Variants in TTC34 observed in about 807,000 individuals in gnomAD.
TTC34 encodes tetratricopeptide repeat protein 34.
In TTC34, 44 loss-of-function variants were observed where a neutral mutation model predicts 40.7. The ratio of observed to expected loss-of-function variants is 1.08; its 90% CI spans 0.85 to 1.39. The LOEUF is 1.39. TTC34 is among the 40% of genes most tolerant of loss of function. The pLI, the probability that TTC34 is intolerant of heterozygous loss-of-function variation, is 0.00. For synonymous variants in TTC34, 422 were observed against 398.6 expected (o/e 1.06, Z -0.70); for missense variants, 884 against 838.0 (o/e 1.05, Z -0.68).
exon 9 of TTC34, chr1:2,639,074 C>T (rs972157646): frequency 6.6e-6 from 1 of 152,236 alleles, no homozygotes; most frequent in Non-Finnish European, 1.5e-5. Context: ...TATAAGGACA[C>T]TAATCCCACT....
chr1:2,687,591 G>T (rs1318942301), intron 6 of TTC34, among the ~76,000 whole-genome samples: 1 of 150,122 alleles, frequency 6.7e-6, no homozygotes, highest in African/African-American at 2.5e-5. Flanking sequence ...CTGACAGCCT[G>T]GAACAGCACC....
chr1:2,790,097 TC>T lies in TTC34; in HGVS notation c.1033del (p.Asp345MetfsTer10). The T allele has an allele frequency of 2.5e-6, 1 of 398,078 alleles. No individual in the cohort carries two copies. 24.7% of individuals were successfully genotyped at this position (398,078 alleles called of 1,614,324 possible). A position where few individuals can be genotyped will look rare whatever the true frequency, so the allele number is the denominator to read the frequency against. On this transcript the variant is annotated frameshift_variant, in exon 3 of 9. Transcript: ENST00000401095. LOFTEE classifies it high-confidence loss of function. ...CGGGGCCAGCAGCTCGCGGCCCGCA[TC>T]CTCGCGGAGCTCAGGGTGGTTCCGC...
chr1:2,686,929 G>A (rs1436448381), intron 6 of TTC34, among the ~76,000 whole-genome samples: 2 of 150,230 alleles, frequency 1.3e-5, no homozygotes, highest in Non-Finnish European at 2.9e-5. Flanking sequence ...CACACTCCCA[G>A]ACGAGCATCG....
intron 6 of TTC34, among the ~76,000 whole-genome samples, chr1:2,782,848 C>T (rs1462100633): frequency 6.6e-6 from 1 of 152,178 alleles, no homozygotes; most frequent in East Asian, 1.9e-4. Flanking sequence ...CTCTTCTGGG[C>T]TCCAGGGACA....
chr1:2,688,312 T>A (rs1640465270), intron 6 of TTC34, among the ~76,000 whole-genome samples: 1 of 91,662 alleles, frequency 1.1e-5, no homozygotes, highest in East Asian at 3.8e-4. Flanking sequence ...TCTGACAGCC[T>A]GGAGCAGAAC....
chr1:2,751,112 G>A lies in TTC34; in HGVS notation c.2226+32497C>T, dbSNP rs1290358716. ...GCCCAGCTGAGCCTCTGACAGCCTG[G>A]AACAGCACCCTGTACCCCCAGGGGA... On this transcript the variant is annotated intron_variant, in intron 6 of 8. Transcript: ENST00000401095. Among the ~76,000 whole-genome samples the A allele has an allele frequency of 2.0e-5, 2 of 102,288 alleles. 1 individual carries two copies. 67.1% of individuals were successfully genotyped at this position (102,288 alleles called of 152,430 possible). A position where few individuals can be genotyped will look rare whatever the true frequency, so the allele number is the denominator to read the frequency against.
At position 2,783,778 on chromosome 1, in the gene TTC34, G is replaced by C. The variant is rs1212248156; in HGVS notation, c.2060-3C>G. ...GAGGGACTCACTTGCCTGGCTTCCT[G>C]CAGGAAGACGGCATGGGGTCAGGAT... On this transcript the variant is annotated splice_region_variant and splice_polypyrimidine_tract_variant and intron_variant, in intron 5 of 8. Transcript: ENST00000401095. 1 of 1,492,476 alleles carries C rather than the reference G, an allele frequency of 6.7e-7. No homozygotes were observed. The highest frequency in any genetic ancestry group is 2.5e-5 in the East Asian group (1 of 39,856). 92.5% of individuals were successfully genotyped at this position (1,492,476 alleles called of 1,614,324 possible).
intron 6 of TTC34, among the ~76,000 whole-genome samples, chr1:2,687,107 T>C (rs1329580116): frequency 7.3e-6 from 1 of 137,318 alleles, no homozygotes; most frequent in Non-Finnish European, 1.5e-5. Flanking sequence ...TCCGACATCG[T>C]GGAGTAGCAC....
intron 6 of TTC34, among the ~76,000 whole-genome samples, chr1:2,698,990 A>G (rs1358514493): frequency 5.8e-5 from 8 of 138,502 alleles, no homozygotes; most frequent in Non-Finnish European, 1.1e-4. Flanking sequence ...AGCATCTGAC[A>G]GCCTGGAAAG....
At chr1:2,653,172 G>T (rs71513385) in intron 6 of TTC34, among the ~76,000 whole-genome samples, 2 of 151,682 alleles carry the variant, frequency 1.3e-5, no homozygotes, top group African/African-American at 4.9e-5. Flanking sequence ...CACACCCACA[G>T]GTGAGCATCT....
At position 2,785,900 on chromosome 1, in the gene TTC34, G is replaced by A. The variant is rs1425665772; in HGVS notation, c.1978C>T (p.Arg660Trp). The A allele has an allele frequency of 5.8e-5, 89 of 1,536,848 alleles. No homozygotes were observed. The highest frequency in any genetic ancestry group is 5.8e-4 in the Admixed American group (29 of 50,116). Residue 660 changes from arginine to tryptophan, a missense_variant, in exon 5 of 9, where the codon CGG (arginine) becomes TGG (tryptophan). Transcript: ENST00000401095. Reference sequence around the variant, plus strand: ...CCGTCGGCCCCGCCTGGCCGTGCCCGCAGGATGGCCAGGGCCCTGGCGTGG... The same window carrying A: ...CCGTCGGCCCCGCCTGGCCGTGCCCACAGGATGGCCAGGGCCCTGGCGTGG...
intron 6 of TTC34, among the ~76,000 whole-genome samples, chr1:2,694,742 C>A (rs370651058): frequency 1.3e-5 from 1 of 76,008 alleles, no homozygotes; most frequent in African/African-American, 4.2e-5. Context: ...CGTGGAGCAG[C>A]ACCCCAAACC....
rs541433955 is a variant in TTC34 at position 2,771,728 on chromosome 1, A to G, written c.2226+11881T>C. 3.9e-5 allele frequency among the ~76,000 whole-genome samples: 5 copies of G among 128,412 alleles called. No homozygotes were observed. The East Asian group carries it at 6.7e-4, about 17-fold the overall frequency. 84.2% of individuals were successfully genotyped at this position (128,412 alleles called of 152,430 possible). A position where few individuals can be genotyped will look rare whatever the true frequency, so the allele number is the denominator to read the frequency against. ...AGCCTGGGGCAGTGCCCACAGCCCC[A>G]GGTGAGCATCTGACAGCCCGGAGCA... On this transcript the variant is annotated intron_variant, in intron 6 of 8. Transcript: ENST00000401095.
intron 6 of TTC34, among the ~76,000 whole-genome samples, chr1:2,655,373 C>A (rs796304179): frequency 2.3e-4 from 20 of 86,176 alleles, no homozygotes; most frequent in Middle Eastern, 0.015. Flanking sequence ...AGCAACCACA[C>A]CCCCAGGTGA....
At chr1:2,676,915 G>A (rs1016013269) in intron 6 of TTC34, among the ~76,000 whole-genome samples, 11 of 99,914 alleles carry the variant, frequency 1.1e-4, no homozygotes, top group Non-Finnish European at 1.4e-4. Flanking sequence ...ACAGCCTGGA[G>A]CAGCACCCAC....
At chr1:2,686,286 G>C (rs1287954066) in intron 6 of TTC34, among the ~76,000 whole-genome samples, 1 of 151,804 alleles carries the variant, frequency 6.6e-6, no homozygotes, top group Non-Finnish European at 1.5e-5. Flanking sequence ...CACACCCCCA[G>C]GCGAGCATCT....
chr1:2,784,908 T>C (rs538244636), intron 5 of TTC34, among the ~76,000 whole-genome samples: 2 of 152,348 alleles, frequency 1.3e-5, no homozygotes, highest in South Asian at 2.1e-4. Context: ...CTGTCATTAC[T>C]GTGCCCCTTC....
At chr1:2,674,151 C>A (rs1314901893) in intron 6 of TTC34, among the ~76,000 whole-genome samples, 2 of 82,022 alleles carry the variant, frequency 2.4e-5, no homozygotes, top group South Asian at 3.1e-4. Flanking sequence ...TGGAGCAGCA[C>A]CCACACCCCC....
At chr1:2,643,832 C>G (rs1163918955) in intron 8 of TTC34, among the ~76,000 whole-genome samples, 1 of 152,242 alleles carries the variant, frequency 6.6e-6, no homozygotes, top group Non-Finnish European at 1.5e-5. Context: ...GCCCAGGCCC[C>G]ACTGGGGTGT....
Sources: gnomAD v4.1 joint callset for allele counts (sites outside exome capture counted in the v4.1 genomes callset) on GRCh38, gnomAD v4.1.1 for gene constraint, MANE v1.5 for transcripts, NCBI Gene and HGNC (gene_info 2026-07-23, HGNC 2026-07-21) for gene names.